The following HS2ST1 variants were observed in gnomAD, a reference collection of about 807,000 sequenced individuals.
HS2ST1 encodes 2-O-sulfotransferase.
HS2ST1 carries 18 observed loss-of-function variants against 42.9 expected under a neutral mutation model. The observed-to-expected ratio is 0.42, with a 90% CI of 0.29 to 0.62. The LOEUF (loss-of-function observed/expected upper bound fraction) is 0.62, where lower values mean the gene tolerates loss of function less well. Ranked by LOEUF, HS2ST1 falls within the 20% of genes least tolerant of loss-of-function variation. HS2ST1 has a pLI of 0.21. For missense variants in HS2ST1, 334 were observed against 433.8 expected (o/e 0.77, Z 2.04); for synonymous variants, 146 against 152.9 (o/e 0.95, Z 0.33).
At chr1:86,980,250 TAATG>T (rs1216128916) in intron 1 of HS2ST1, among the ~76,000 whole-genome samples, 1 of 152,146 alleles carries the variant, frequency 6.6e-6, no homozygotes, top group East Asian at 1.9e-4. Context: ...TATGACAAAT[TAATG>T]AATACAAAAT....
At chr1:87,024,433 G>A (rs1176351333) in intron 1 of HS2ST1, among the ~76,000 whole-genome samples, 1 of 151,870 alleles carries the variant, frequency 6.6e-6, no homozygotes, top group East Asian at 1.9e-4. Flanking sequence ...CCCAGGAGGT[G>A]GAGGCTTCCG....
intron 1 of HS2ST1, among the ~76,000 whole-genome samples, chr1:87,066,761 C>A (rs1179976141): frequency 6.6e-6 from 1 of 151,616 alleles, no homozygotes; most frequent in Non-Finnish European, 1.5e-5. Context: ...GTGTGATGTT[C>A]CCCTACCTGT....
In HS2ST1 at chr1:87,072,977, A is replaced by T; in HGVS notation, c.168A>T (p.Arg56=). The T allele has an allele frequency of 1.2e-6, 2 of 1,614,118 alleles. No individual in the cohort carries two copies. Among genetic ancestry groups the T allele is most frequent in the South Asian group, 2.2e-5 (2 of 91,086 alleles). The change falls in exon 2 of 7, where the codon CGA becomes CGT. Residue 56 remains arginine (R), a synonymous_variant. Coordinates refer to ENST00000370550, the MANE Select transcript of HS2ST1 (RefSeq NM_012262.4). The part of the protein sequence containing the change: ...ARHEVREIEQ[R]HTMDGPRQDA... ...ACGAAGTCCGAGAAATTGAGCAGCG[A>T]CATACAATGGATGGCCCTCGGCAAG...
At chr1:87,042,880 T>A (rs1385889601) in intron 1 of HS2ST1, among the ~76,000 whole-genome samples, 1 of 152,170 alleles carries the variant, frequency 6.6e-6, no homozygotes, top group Non-Finnish European at 1.5e-5. Flanking sequence ...TCTGACTTTT[T>A]GTTTACGAGC....
chr1:87,029,608 G>A (rs186291957), intron 1 of HS2ST1, among the ~76,000 whole-genome samples: 4 of 152,276 alleles, frequency 2.6e-5, no homozygotes, highest in Non-Finnish European at 5.9e-5. Context: ...AGATTTTTGT[G>A]CTCTCACACC....
chr1:87,075,436 G>A (rs1412309989), intron 2 of HS2ST1, among the ~76,000 whole-genome samples: 1 of 151,858 alleles, frequency 6.6e-6, no homozygotes, highest in Non-Finnish European at 1.5e-5. Context: ...CAAAGTGCTG[G>A]GATTACAGGC....
intron 1 of HS2ST1, among the ~76,000 whole-genome samples, chr1:86,944,751 C>G (rs1647280577): frequency 6.6e-6 from 1 of 151,952 alleles, no homozygotes; most frequent in South Asian, 2.1e-4. Context: ...TGTGGTGTGC[C>G]TTTTTCTCTA....
Position 86,914,765 on chromosome 1 carries a change from C to G in HS2ST1, c.-272C>G, listed in dbSNP as rs1660100754. The G allele has an allele frequency of 2.0e-6, 1 of 490,678 alleles. No individual in the cohort carries two copies. Among genetic ancestry groups the G allele is most frequent in the Admixed American group, 3.8e-5 (1 of 26,354 alleles). 30.4% of individuals were successfully genotyped at this position (490,678 alleles called of 1,614,324 possible). The stretch of plus-strand genomic sequence containing the variant: ...GAGGCAGTAGAGGGAGGCGAGAGCC[C>G]GGCAGCCGCTTCGCGCTGTTTGCTG... On this transcript the variant is annotated 5_prime_UTR_variant, in exon 1 of 7. Coordinates refer to ENST00000370550, the MANE Select transcript of HS2ST1 (RefSeq NM_012262.4).
intron 1 of HS2ST1, among the ~76,000 whole-genome samples, chr1:87,039,975 TA>T (rs1212745947): frequency 6.6e-6 from 1 of 152,112 alleles, no homozygotes; most frequent in East Asian, 1.9e-4. Flanking sequence ...TTGTAGGCTT[TA>T]AAAAAATCTG....
intron 1 of HS2ST1, among the ~76,000 whole-genome samples, chr1:87,060,767 G>T (rs1242118619): frequency 6.6e-6 from 1 of 152,080 alleles, no homozygotes; most frequent in African/African-American, 2.4e-5. Flanking sequence ...CTGTAGAAAA[G>T]TATAGCCATA....
chr1:86,951,539 T>TA (rs10716207), intron 1 of HS2ST1, among the ~76,000 whole-genome samples: 37,750 of 151,970 alleles, frequency 0.25, 5,600 homozygotes, highest in East Asian at 0.42. Context: ...ACTTTATTGC[T>TA]AAAAAAAATG....
intron 3 of HS2ST1, among the ~76,000 whole-genome samples, chr1:87,088,434 A>T (rs535537680): frequency 6.6e-6 from 1 of 152,200 alleles, no homozygotes; most frequent in African/African-American, 2.4e-5. Context: ...TACTTCATGT[A>T]TGGGTGTACT....
At chr1:86,949,320 G>C (rs965900502) in intron 1 of HS2ST1, among the ~76,000 whole-genome samples, 1 of 152,186 alleles carries the variant, frequency 6.6e-6, no homozygotes, top group Admixed American at 6.5e-5. Flanking sequence ...TGTTGGCCAG[G>C]CTGGTCTCAA....
In HS2ST1 at chr1:87,040,037, G is replaced by A. The variant is rs554713637; in HGVS notation, c.125-32897G>A. Among the ~76,000 whole-genome samples the A allele has an allele frequency of 5.3e-5, 8 of 152,170 alleles. No homozygotes were observed. The South Asian group carries it at 1.7e-3, about 32-fold the overall frequency. Reference sequence around the variant, plus strand: ...TATATTAGAAAAGAAGATTAAGAAGGAACAAAAGTAGTTTCCTTTTAATAG... The same window carrying A: ...TATATTAGAAAAGAAGATTAAGAAGAAACAAAAGTAGTTTCCTTTTAATAG... On this transcript the variant is annotated intron_variant, in intron 1 of 6. Coordinates refer to ENST00000370550, the MANE Select transcript of HS2ST1 (RefSeq NM_012262.4).
intron 3 of HS2ST1, among the ~76,000 whole-genome samples, chr1:87,091,994 A>C (rs1381303619): frequency 2.0e-5 from 3 of 152,078 alleles, no homozygotes; most frequent in Non-Finnish European, 4.4e-5. Flanking sequence ...GATGGTGTTC[A>C]AAAAACACTA....
At chr1:87,049,412 G>A (rs969772264) in intron 1 of HS2ST1, among the ~76,000 whole-genome samples, 1 of 151,904 alleles carries the variant, frequency 6.6e-6, no homozygotes, top group African/African-American at 2.4e-5. Flanking sequence ...TGATCGTGTA[G>A]TGCTGTATGT....
chr1:87,044,900 T>G, intron 1 of HS2ST1: 1 of 1,389,674 alleles, frequency 7.2e-7, no homozygotes. Flanking sequence ...AACTAAGTAG[T>G]AAGAGGGCTC....
intron 1 of HS2ST1, among the ~76,000 whole-genome samples, chr1:86,976,159 G>A (rs1160669027): frequency 6.6e-6 from 1 of 152,204 alleles, no homozygotes; most frequent in African/African-American, 2.4e-5. Context: ...AGTGGCAGAT[G>A]TTAACACATT....
chr1:86,955,356 G>A (rs936289128), intron 1 of HS2ST1, among the ~76,000 whole-genome samples: 9 of 152,124 alleles, frequency 5.9e-5, no homozygotes, highest in African/African-American at 2.2e-4. Flanking sequence ...TCATGGGAAC[G>A]TGAACTCTAT....
Sources: gnomAD v4.1 joint callset for allele counts (sites outside exome capture counted in the v4.1 genomes callset) on GRCh38, gnomAD v4.1.1 for gene constraint, MANE v1.5 for transcripts, NCBI Gene and HGNC (gene_info 2026-07-23, HGNC 2026-07-21) for gene names.